Variants in TPTE observed in about 807,000 individuals in gnomAD.
TPTE encodes the protein transmembrane phosphatase with tensin homology, also known as putative tyrosine-protein phosphatase TPTE.
In TPTE, 59 loss-of-function variants were observed where a neutral mutation model predicts 84.1. The observed-to-expected ratio is 0.70, with a 90% CI of 0.57 to 0.87. TPTE has a LOEUF of 0.87. TPTE is among the 40% of genes least tolerant of loss of function. The pLI, the probability that TPTE is intolerant of heterozygous loss-of-function variation, is 0.00. For missense variants in TPTE, 382 were observed against 659.6 expected (o/e 0.58, Z 4.61); for synonymous variants, 130 against 223.5 (o/e 0.58, Z 3.73).
At chr21:10,603,387 T>C (rs1298999527) in intron 22 of TPTE, among the ~76,000 whole-genome samples, 175 bp from the exon 23 acceptor site, 1 of 152,306 alleles carries the variant, frequency 6.6e-6, no homozygotes, top group African/African-American at 2.4e-5. Flanking sequence ...TAGCATTTTC[T>C]TAAAGCCTCC....
At chr21:10,549,277 T>A (rs927495606) in intron 7 of TPTE, among the ~76,000 whole-genome samples, 2 of 152,308 alleles carry the variant, frequency 1.3e-5, no homozygotes, top group African/African-American at 4.8e-5. Flanking sequence ...TTTCACCAGA[T>A]GCGTAGAAAT....
rs375879420 is a variant in TPTE, at chr21:10,602,102, C to G, written c.1401C>G (p.Phe467Leu). The G allele has an allele frequency of 6.2e-7, 1 of 1,613,036 alleles. No individual in the cohort carries two copies. Among genetic ancestry groups the G allele is most frequent in the Admixed American group, 1.7e-5 (1 of 60,020 alleles). The change falls in exon 22 of 24, where the codon TTC becomes TTG. Residue 467 changes from phenylalanine to leucine, a missense_variant. Around this residue, in one of 10 missense-constraint regions of TPTE, gnomAD observed 13 missense variants for 46.7 expected, o/e 0.28. Transcript: ENST00000618007. ...ITTDKILIDV[F>L]DGLPLYDDVK... ...CAGACAAAATATTAATTGATGTATTCGACGGTCTACCTCTGTATGATGATG... is the reference window on the plus strand; with the variant it reads ...CAGACAAAATATTAATTGATGTATTGGACGGTCTACCTCTGTATGATGATG...
chr21:10,572,345 G>A (rs2075061335), intron 14 of TPTE, among the ~76,000 whole-genome samples: 1 of 152,286 alleles, frequency 6.6e-6, no homozygotes. Flanking sequence ...CCAGTTACTT[G>A]GGAGGCTGAA....
intron 3 of TPTE, among the ~76,000 whole-genome samples, chr21:10,536,788 T>C (rs983672551): frequency 3.3e-5 from 5 of 152,310 alleles, no homozygotes; most frequent in African/African-American, 1.2e-4. Context: ...CTTCTTGTTA[T>C]TGTCTTGTCA....
intron 10 of TPTE, among the ~76,000 whole-genome samples, chr21:10,561,825 A>G (rs1199231506): frequency 6.6e-6 from 1 of 152,312 alleles, no homozygotes; most frequent in African/African-American, 2.4e-5. Flanking sequence ...TCCTGAAGGC[A>G]AGGACACAGG....
chr21:10,551,844 C>T (rs2074581944), intron 7 of TPTE, among the ~76,000 whole-genome samples: 1 of 152,308 alleles, frequency 6.6e-6, no homozygotes, highest in Non-Finnish European at 1.5e-5. Flanking sequence ...ATACGACCTA[C>T]CAAGACTAAA....
At chr21:10,597,876 G>A (rs1220298720) in intron 20 of TPTE, 139 bp from the exon 21 acceptor site, 3 of 1,219,108 alleles carry the variant, frequency 2.5e-6, no homozygotes, top group East Asian at 5.0e-5. Flanking sequence ...CAAAATCCAT[G>A]CAAGACCAAA....
intron 14 of TPTE, among the ~76,000 whole-genome samples, chr21:10,573,604 G>C (rs1238688520): frequency 6.6e-6 from 1 of 152,280 alleles, no homozygotes; most frequent in Non-Finnish European, 1.5e-5. Context: ...ATAAATATTT[G>C]AGGTGATAGA....
intron 7 of TPTE, among the ~76,000 whole-genome samples, chr21:10,552,234 A>G (rs2074588629): frequency 6.6e-6 from 1 of 152,308 alleles, no homozygotes; most frequent in Non-Finnish European, 1.5e-5. Flanking sequence ...CATAACTTTT[A>G]TATGCACAGG....
At chr21:10,595,551 G>C (rs1347575751) in intron 19 of TPTE, among the ~76,000 whole-genome samples, 2 of 152,294 alleles carry the variant, frequency 1.3e-5, no homozygotes, top group African/African-American at 4.8e-5. Context: ...TGGGAAACCT[G>C]CTACTGAGGT....
chr21:10,542,485 A>G lies in TPTE; in HGVS notation c.119+37A>G, dbSNP rs532938411. On this transcript the variant is annotated intron_variant, in intron 6 of 23. Transcript: ENST00000618007. Reference sequence around the variant, plus strand: ...ATAGTTAAAGTCACCCGTCAGCATAAGTGTGCATAGAACTATACACACACA... The same window carrying G: ...ATAGTTAAAGTCACCCGTCAGCATAGGTGTGCATAGAACTATACACACACA... 237 of 1,605,450 alleles carry G rather than the reference A, an allele frequency of 1.5e-4. 1 individual carries two copies. In the Middle Eastern group the frequency reaches 2.0e-3, roughly 14 times the overall value.
At chr21:10,562,134 A>G (rs559304512) in intron 10 of TPTE, among the ~76,000 whole-genome samples, 91 of 152,386 alleles carry the variant, frequency 6.0e-4, no homozygotes, top group African/African-American at 2.0e-3. Context: ...GTCCAAGACC[A>G]TTAAGGCAGT....
rs768332633 is a variant in TPTE at position 10,543,383 on chromosome 21, G to T, written c.173+1G>T. On this transcript the variant is annotated splice_donor_variant, in intron 7 of 23. Transcript: ENST00000618007. LOFTEE classifies it high-confidence loss of function. Reference sequence around the variant, plus strand: ...CCCGGGTGTCACCTATCAGTGAAAGGTGAGTTATAAATACATGAAGACACA... The same window carrying T: ...CCCGGGTGTCACCTATCAGTGAAAGTTGAGTTATAAATACATGAAGACACA... 1 of 1,614,092 alleles carries T rather than the reference G, an allele frequency of 6.2e-7. No homozygotes were observed. The highest frequency in any genetic ancestry group is 1.7e-4 in the Middle Eastern group (1 of 6,056).
chr21:10,544,491 T>A (rs529830312), intron 7 of TPTE, among the ~76,000 whole-genome samples: 1 of 152,310 alleles, frequency 6.6e-6, no homozygotes, highest in South Asian at 2.1e-4. Context: ...TTCAAGTGAT[T>A]TTCCTGCCTC....
chr21:10,565,077 G>A (rs544394975), intron 10 of TPTE, among the ~76,000 whole-genome samples: 1 of 152,426 alleles, frequency 6.6e-6, no homozygotes, highest in East Asian at 1.9e-4. Context: ...TTATCCCTGT[G>A]TTTGCAGATG....
intron 8 of TPTE, among the ~76,000 whole-genome samples, chr21:10,556,258 G>C (rs1421218109): frequency 2.6e-5 from 4 of 152,294 alleles, no homozygotes; most frequent in Non-Finnish European, 5.9e-5. Context: ...GGTTCTCATT[G>C]TTCAATTCCC....
At chr21:10,567,151 A>G (rs1215044266) in intron 10 of TPTE, among the ~76,000 whole-genome samples, 4 of 150,758 alleles carry the variant, frequency 2.7e-5, no homozygotes, top group Non-Finnish European at 5.9e-5. Flanking sequence ...TAGAGAGTAG[A>G]TGGATGGTCA....
chr21:10,580,271 T>C (rs1432267821), intron 17 of TPTE, among the ~76,000 whole-genome samples: 1 of 152,308 alleles, frequency 6.6e-6, no homozygotes, highest in African/African-American at 2.4e-5. Context: ...TTATCGAATG[T>C]ATGCTTTGTA....
intron 1 of TPTE, among the ~76,000 whole-genome samples, chr21:10,523,434 A>G (rs1470597122): frequency 2.3e-4 from 34 of 151,020 alleles, no homozygotes; most frequent in South Asian, 4.3e-4. Flanking sequence ...ATATCTCCCA[A>G]TGCTATCCCT....
Sources: allele counts gnomAD v4.1 joint callset (sites outside exome capture counted in the v4.1 genomes callset), GRCh38; gene constraint gnomAD v4.1.1; regional missense constraint gnomAD v4.1.1; transcripts MANE v1.5; gene names NCBI Gene and HGNC (gene_info 2026-07-23, HGNC 2026-07-21).